The following FHIT variants were observed in gnomAD, a reference collection of about 807,000 sequenced individuals.
The protein encoded by FHIT is bis(5'-adenosyl)-triphosphatase.
A neutral mutation model predicts 17.9 loss-of-function variants in FHIT; 19 were observed. That is an observed-to-expected ratio of 1.06 (90% CI 0.74 to 1.56). FHIT has a LOEUF of 1.56. Among genes scored for constraint, FHIT ranks in the 40% most tolerant of loss-of-function variants. FHIT has a pLI of 0.00. For synonymous variants in FHIT, 81 were observed against 69.7 expected, an observed-to-expected ratio of 1.16 and a Z score of -0.81; for missense variants, 248 against 189.2, an observed-to-expected ratio of 1.31 and a Z score of -1.82.
intron 4 of FHIT, among the ~76,000 whole-genome samples, chr3:60,799,335 C>A (rs1168596355): frequency 1.3e-5 from 2 of 152,098 alleles, no homozygotes; most frequent in Non-Finnish European, 2.9e-5. Flanking sequence ...CCACCATGCC[C>A]AGCTAATTTT....
intron 2 of FHIT, among the ~76,000 whole-genome samples, chr3:61,153,074 C>T (rs143896531): frequency 0.027 from 3,945 of 145,946 alleles, 194 homozygotes; most frequent in African/African-American, 0.095. Flanking sequence ...ACCTGGGAGG[C>T]GGAGGCTGCA....
intron 2 of FHIT, among the ~76,000 whole-genome samples, chr3:61,073,360 A>G (rs992004193): frequency 1.1e-4 from 17 of 152,182 alleles, no homozygotes; most frequent in African/African-American, 4.1e-4. Flanking sequence ...TAAAAATGGT[A>G]TTCATAAGAG....
At chr3:60,402,841 T>C (rs1177607207) in intron 5 of FHIT, among the ~76,000 whole-genome samples, 3 of 152,184 alleles carry the variant, frequency 2.0e-5, no homozygotes, top group Non-Finnish European at 4.4e-5. Context: ...TAGTAGATGC[T>C]CAATCCACAT....
intron 8 of FHIT, among the ~76,000 whole-genome samples, chr3:59,795,369 G>A (rs1360130086): frequency 6.9e-6 from 1 of 145,372 alleles, no homozygotes; most frequent in Non-Finnish European, 1.5e-5. Flanking sequence ...GGGTGACAGA[G>A]CAAGACCCTG....
At chr3:60,815,864 G>C (rs1218849632) in intron 4 of FHIT, among the ~76,000 whole-genome samples, 1 of 152,046 alleles carries the variant, frequency 6.6e-6, no homozygotes, top group East Asian at 1.9e-4. Context: ...CAATCCATGA[G>C]CATGGAATGT....
intron 2 of FHIT, among the ~76,000 whole-genome samples, chr3:61,084,970 C>G (rs58847767): frequency 0.04 from 6,120 of 152,244 alleles, 220 homozygotes; most frequent in African/African-American, 0.092. Flanking sequence ...CAGGTTATTT[C>G]AGGTATGGGC....
At chr3:60,105,553 A>G (rs746199140) in intron 5 of FHIT, among the ~76,000 whole-genome samples, 5 of 152,314 alleles carry the variant, frequency 3.3e-5, no homozygotes, top group Middle Eastern at 3.4e-3. Flanking sequence ...GGTGAAACAT[A>G]TAAGAATATT....
At chr3:60,653,532 A>G (rs2040045993) in intron 4 of FHIT, among the ~76,000 whole-genome samples, 1 of 151,972 alleles carries the variant, frequency 6.6e-6, no homozygotes, top group South Asian at 2.1e-4. Context: ...GGGAATTATC[A>G]AAGAGATTGC....
chr3:60,971,326 G>C (rs2107529485), intron 3 of FHIT, among the ~76,000 whole-genome samples: 1 of 152,268 alleles, frequency 6.6e-6, no homozygotes. Flanking sequence ...TGGGTGACAA[G>C]AGTGAGACTC....
chr3:59,762,708 C>T (rs753733604), intron 8 of FHIT, among the ~76,000 whole-genome samples: 3 of 152,156 alleles, frequency 2.0e-5, no homozygotes, highest in Admixed American at 6.5e-5. Context: ...CCTCTAAGCC[C>T]GGAGGGCCCT....
intron 7 of FHIT, among the ~76,000 whole-genome samples, chr3:59,922,828 T>C (rs553438659): frequency 6.6e-6 from 1 of 152,258 alleles, no homozygotes; most frequent in South Asian, 2.1e-4. Context: ...TAGCAAGTAG[T>C]ATGGGCAGAA....
At chr3:60,696,333 A>C (rs1553700650) in intron 4 of FHIT, among the ~76,000 whole-genome samples, 2 of 152,196 alleles carry the variant, frequency 1.3e-5, no homozygotes. Flanking sequence ...TTTTAAAGAC[A>C]CGACTTCCCA....
At chr3:61,030,596 A>G (rs1476505332) in intron 3 of FHIT, among the ~76,000 whole-genome samples, 2 of 152,202 alleles carry the variant, frequency 1.3e-5, no homozygotes, top group Non-Finnish European at 2.9e-5. Flanking sequence ...TTGTACTCAC[A>G]AAGTTTAGAT....
chr3:60,865,763 G>C (rs2107030850), intron 3 of FHIT, among the ~76,000 whole-genome samples: 1 of 152,232 alleles, frequency 6.6e-6, no homozygotes, highest in African/African-American at 2.4e-5. Flanking sequence ...CTGTGACAAG[G>C]CTGAAGCAAA....
intron 3 of FHIT, among the ~76,000 whole-genome samples, chr3:60,861,156 C>T (rs1373959585): frequency 3.1e-4 from 2 of 6,494 alleles, no homozygotes; most frequent in Admixed American, 4.7e-3. Context: ...GATCTATATA[C>T]ATATATATCA....
At chr3:60,001,002 G>A (rs149681545) in intron 7 of FHIT, among the ~76,000 whole-genome samples, 55 of 152,226 alleles carry the variant, frequency 3.6e-4, no homozygotes, top group African/African-American at 1.1e-3. Context: ...GGCGCCTGTC[G>A]TTCCCTGTTC....
At chr3:60,503,589 GAAAC>G (rs2107528255) in intron 5 of FHIT, among the ~76,000 whole-genome samples, 2 of 152,114 alleles carry the variant, frequency 1.3e-5, no homozygotes, top group South Asian at 4.2e-4. Context: ...TGAAAGTTAT[GAAAC>G]AAACTAAATA....
intron 5 of FHIT, among the ~76,000 whole-genome samples, chr3:60,526,794 T>C (rs985918640): frequency 2.0e-5 from 3 of 152,178 alleles, no homozygotes; most frequent in African/African-American, 2.4e-5. Flanking sequence ...CTGCAGGTCC[T>C]ACAGCTTCGT....
chr3:60,893,711 T>G lies in FHIT; in HGVS notation c.-110-71700A>C, dbSNP rs570573318. Among the ~76,000 whole-genome samples the G allele has an allele frequency of 7.9e-5, 12 of 152,330 alleles. No individual in the cohort carries two copies. The East Asian group carries it at 9.7e-4, about 12-fold the overall frequency. On this transcript the variant is annotated intron_variant, in intron 3 of 9. Transcript: ENST00000492590. Reference sequence around the variant, plus strand: ...ATCCTTAATGCCTAATGACTGCCACTGCACCTGACCTAGCTCCAGGGCTGA... The same window carrying G: ...ATCCTTAATGCCTAATGACTGCCACGGCACCTGACCTAGCTCCAGGGCTGA...
Sources: gnomAD v4.1 joint callset for allele counts (sites outside exome capture counted in the v4.1 genomes callset) on GRCh38, gnomAD v4.1.1 for gene constraint, MANE v1.5 for transcripts, NCBI Gene and HGNC (gene_info 2026-07-23, HGNC 2026-07-21) for gene names.